Variants in DBN1 observed in about 807,000 individuals in gnomAD.
DBN1 encodes the protein drebrin 1, also known as drebrin.
Under a neutral mutation model 83.5 loss-of-function variants are expected in DBN1, and 21 were observed. The observed-to-expected ratio is 0.25, with a 90% CI of 0.18 to 0.36. The LOEUF (loss-of-function observed/expected upper bound fraction) is 0.36. Ranked by LOEUF, DBN1 falls within the 10% of genes least tolerant of loss-of-function variation. DBN1 has a pLI of 1.00. For synonymous variants in DBN1, 381 were observed against 384.9 expected (o/e 0.99, Z 0.12); for missense variants, 874 against 935.7 (o/e 0.93, Z 0.86).
chr5:177,457,443 C>T lies in DBN1; in HGVS notation c.2078G>A (p.Gly693Asp). ...GGGCTGGCGCCACCGCTAATCACCA[C>T]CCTCGAAGCCCTCCTCCTCTTCTGG... ...PVPEEEEGFEGGD is the reference protein window; with the variant it reads ...PVPEEEEGFEDGD The change falls in exon 15 of 15, where the codon GGT becomes GAT. Residue 693 changes from glycine (G) to aspartate (D), a missense_variant. By Grantham distance (94) the Gly-to-Asp change is moderately conservative. Around this residue, in one of 4 missense-constraint regions of DBN1, gnomAD observed 725 missense variants for 719.7 expected, o/e 1.01. Transcript: ENST00000393565. 1.2e-6 allele frequency: 2 copies of T among 1,614,060 alleles called. No individual in the cohort carries two copies. The highest frequency in any genetic ancestry group is 1.7e-6 in the Non-Finnish European group (2 of 1,179,920).
At chr5:177,472,844 C>T (rs571831702) in intron 1 of DBN1, 2 of 986,112 alleles carry the variant, frequency 2.0e-6, no homozygotes, top group Non-Finnish European at 2.4e-6. Flanking sequence ...AGCAAACATC[C>T]TTCCACCTCA....
intron 1 of DBN1, among the ~76,000 whole-genome samples, chr5:177,470,857 G>C (rs1757796438): frequency 6.6e-6 from 1 of 152,122 alleles, no homozygotes; most frequent in African/African-American, 2.4e-5. Flanking sequence ...GGTGGAAGCT[G>C]GCGAAACCAC....
intron 10 of DBN1, 123 bp downstream of exon 10, chr5:177,460,305 CTGGA>C: frequency 1.4e-6 from 2 of 1,405,876 alleles, no homozygotes; most frequent in Non-Finnish European, 2.0e-6. Flanking sequence ...CGGATGCACG[CTGGA>C]TGAAGGGTCT....
At chr5:177,468,017 GC>G (rs1757583833) in intron 3 of DBN1, 90 bp downstream of exon 3, 4 of 713,014 alleles carry the variant, frequency 5.6e-6, no homozygotes, top group Non-Finnish European at 1.0e-5. Flanking sequence ...GCAGCTCTGG[GC>G]CCTCAGCCCC....
intron 12 of DBN1, 48 bp downstream of exon 12, chr5:177,459,050 C>CA (rs1185462954): frequency 1.3e-6 from 2 of 1,554,098 alleles, no homozygotes; most frequent in Non-Finnish European, 1.7e-6. Flanking sequence ...GGCTCCCAGC[C>CA]AGGGACTGAT....
At chr5:177,472,272 C>A (rs1002088295) in intron 1 of DBN1, 1 of 1,604,772 alleles carries the variant, frequency 6.2e-7, no homozygotes, top group Non-Finnish European at 8.5e-7. Flanking sequence ...TCCCAGTGTG[C>A]GGGTGAGGCC....
rs1483645216 is a variant in DBN1, at chr5:177,457,202, G to T, written c.*231C>A. 2 of 560,978 alleles carry T rather than the reference G, an allele frequency of 3.6e-6. No homozygotes were observed. The highest frequency in any genetic ancestry group is 6.4e-6 in the Non-Finnish European group (2 of 314,068). 34.8% of individuals were successfully genotyped at this position (560,978 alleles called of 1,614,324 possible). On this transcript the variant is annotated 3_prime_UTR_variant, in exon 15 of 15. Coordinates refer to ENST00000393565, the MANE Select transcript of DBN1 (RefSeq NM_001363541.2). ...TTGCAACAGCGTCTCAACTACCAAC[G>T]AGAGGAAAGCCAGTCAACTGTACAA...
chr5:177,457,763 G>C lies in DBN1; in HGVS notation c.1915-6C>G. 3.8e-6 allele frequency: 6 copies of C among 1,590,948 alleles called. No homozygotes were observed. Among genetic ancestry groups the C allele is most frequent in the Non-Finnish European group, 5.2e-6 (6 of 1,160,064 alleles). ...CTGAAGTACCCCTCACTGGCCTGCA[G>C]GGGAAAGCATCAGGTCACTTGGCCC... On this transcript the variant is annotated splice_region_variant and splice_polypyrimidine_tract_variant and intron_variant, in intron 13 of 14. Coordinates refer to ENST00000393565, the MANE Select transcript of DBN1 (RefSeq NM_001363541.2).
Position 177,468,676 on chromosome 5 carries a change from C to T in DBN1, c.142+168G>A, listed in dbSNP as rs923974621. ...TCAACAAGGCTCTGAGATTCCTCCC[C>T]ACCCTGGGGACACAGGGATGACTGG... On this transcript the variant is annotated intron_variant, in intron 2 of 14. Coordinates refer to ENST00000393565, the MANE Select transcript of DBN1 (RefSeq NM_001363541.2). 6 of 452,296 alleles carry T rather than the reference C, an allele frequency of 1.3e-5. 1 individual carries two copies. In the South Asian group the frequency reaches 2.9e-4, roughly 22 times the overall value. 28.0% of individuals were successfully genotyped at this position (452,296 alleles called of 1,614,324 possible). A position where few individuals can be genotyped will look rare whatever the true frequency, so the allele number is the denominator to read the frequency against.
intron 12 of DBN1, 89 bp downstream of exon 12, chr5:177,459,009 T>C (rs1756792596): frequency 1.3e-6 from 2 of 1,527,940 alleles, no homozygotes; most frequent in Non-Finnish European, 1.8e-6. Context: ...GTGGCCCAGA[T>C]CCCTGGAGAA....
Position 177,467,330 on chromosome 5 carries a change from G to A in DBN1, c.480C>T (p.Gly160=). The A allele has an allele frequency of 6.2e-7, 1 of 1,614,166 alleles. No individual in the cohort carries two copies. Among genetic ancestry groups the A allele is most frequent in the East Asian group, 2.2e-5 (1 of 44,880 alleles). The change falls in exon 6 of 15, where the codon GGC becomes GGT. Residue 160 remains glycine (G), a splice_region_variant and synonymous_variant. Transcript: ENST00000393565. The surrounding 1 kb of genome is among the most constrained non-coding windows in gnomAD (Gnocchi z 9.1). The part of the protein sequence containing the change: ...LREDENAEPV[G]TTYQKTDAAV... ...CTGCATCCGTCTTCTGGTAGGTGGT[G>A]CCCTGCAGTGTCGAAGGACCCAGCA...
In DBN1 at chr5:177,467,951, A is replaced by T. The variant is rs1467148228; in HGVS notation, c.256-134T>A. On this transcript the variant is annotated intron_variant, in intron 3 of 14. Coordinates refer to ENST00000393565, the MANE Select transcript of DBN1 (RefSeq NM_001363541.2). The surrounding 1 kb of genome is among the most constrained non-coding windows in gnomAD (Gnocchi z 9.1). The stretch of plus-strand genomic sequence containing the variant: ...TGTCAGAGGGCCGACGGGGAGGGCG[A>T]CTGCTCTGGGCCTTCAGTTCCCTTC... The T allele has an allele frequency of 1.5e-6, 2 of 1,356,450 alleles. No individual in the cohort carries two copies. Among genetic ancestry groups the T allele is most frequent in the Non-Finnish European group, 2.1e-6 (2 of 958,264 alleles). 84.0% of individuals were successfully genotyped at this position (1,356,450 alleles called of 1,614,324 possible).
At position 177,464,656 on chromosome 5, in the gene DBN1, T is replaced by C. The variant is rs1055671920; in HGVS notation, c.771+2116A>G. 2.7e-5 allele frequency among the ~76,000 whole-genome samples: 4 copies of C among 147,522 alleles called. No homozygotes were observed. In the East Asian group the frequency reaches 8.1e-4, roughly 30 times the overall value. ...AAATAAATAAATAAATAATAAACTTTATCTGCTGGGTGCGGTGGCTCATGC... is the reference window on the plus strand; with the variant it reads ...AAATAAATAAATAAATAATAAACTTCATCTGCTGGGTGCGGTGGCTCATGC... On this transcript the variant is annotated intron_variant, in intron 8 of 14. Coordinates refer to ENST00000393565, the MANE Select transcript of DBN1 (RefSeq NM_001363541.2).
rs373542669 is a variant in DBN1, at chr5:177,466,870, C to T, written c.708-35G>A. The T allele has an allele frequency of 1.6e-5, 26 of 1,613,600 alleles. No individual in the cohort carries two copies. Among genetic ancestry groups the T allele is most frequent in the African/African-American group, 6.7e-5 (5 of 74,882 alleles). On this transcript the variant is annotated intron_variant, in intron 7 of 14. Coordinates refer to ENST00000393565, the MANE Select transcript of DBN1 (RefSeq NM_001363541.2). The surrounding 1 kb of genome is among the most constrained non-coding windows in gnomAD (Gnocchi z 4.8). ...TAAGCAGCCAGCACCCGTCAGGGTGCGCCCGGGGGCCCCTGGAGCGCTCCG... is the reference window on the plus strand; with the variant it reads ...TAAGCAGCCAGCACCCGTCAGGGTGTGCCCGGGGGCCCCTGGAGCGCTCCG...
In DBN1 at chr5:177,460,768, T is replaced by C. The variant is rs1756973318; in HGVS notation, c.772-65A>G. On this transcript the variant is annotated intron_variant, in intron 8 of 14. Transcript: ENST00000393565. ...CACAGGGGCTTTTGGCCTTCTTTTT[T>C]ACTGTATTTTATTTATTGATTTTGT... is the stretch of plus-strand genomic sequence containing the variant. 4.0e-6 allele frequency: 6 copies of C among 1,502,874 alleles called. No homozygotes were observed. In the South Asian group the frequency reaches 7.0e-5, roughly 17 times the overall value. 93.1% of individuals were successfully genotyped at this position (1,502,874 alleles called of 1,614,324 possible). A position where few individuals can be genotyped will look rare whatever the true frequency, so the allele number is the denominator to read the frequency against.
intron 10 of DBN1, 67 bp downstream of exon 10, chr5:177,460,365 G>A: frequency 6.2e-7 from 1 of 1,607,884 alleles, no homozygotes; most frequent in Non-Finnish European, 8.5e-7. Flanking sequence ...TTCTGAGAGA[G>A]TCCCAGAGAG....
intron 2 of DBN1, chr5:177,468,461 G>T: frequency 1.8e-6 from 1 of 568,182 alleles, no homozygotes; most frequent in Non-Finnish European, 3.1e-6. Context: ...GGAAGTGTTT[G>T]TTCTTCACAC....
In DBN1 at chr5:177,459,590, G is replaced by C. The variant is rs913838375; in HGVS notation, c.1093+13C>G. 1 of 1,505,022 alleles carries C rather than the reference G, an allele frequency of 6.6e-7. No individual in the cohort carries two copies. The highest frequency in any genetic ancestry group is 1.4e-5 in the African/African-American group (1 of 71,612). 93.2% of individuals were successfully genotyped at this position (1,505,022 alleles called of 1,614,324 possible). On this transcript the variant is annotated intron_variant, in intron 11 of 14. Transcript: ENST00000393565. ...CCTTACCACCCCCGCCGAGGCCTGG[G>C]GCTGCTACCTACATGGGAGGGAGGA...
intron 8 of DBN1, among the ~76,000 whole-genome samples, chr5:177,464,445 C>CA (rs1757262915): frequency 1.4e-5 from 2 of 142,298 alleles, no homozygotes; most frequent in African/African-American, 2.7e-5. Flanking sequence ...GACTCTGTCT[C>CA]AAAAAAATAA....
Sources: gnomAD v4.1 joint callset for allele counts (sites outside exome capture counted in the v4.1 genomes callset) on GRCh38, gnomAD v4.1.1 for gene constraint, gnomAD v4.1.1 regional missense constraint, Gnocchi (gnomAD v3.1) non-coding constraint, MANE v1.5 for transcripts, NCBI Gene and HGNC (gene_info 2026-07-23, HGNC 2026-07-21) for gene names.